Variants in OCRL observed in about 807,000 individuals in gnomAD.
OCRL encodes OCRL inositol polyphosphate-5-phosphatase.
In OCRL, 8 loss-of-function variants were observed where a neutral mutation model predicts 78.9. The observed-to-expected ratio is 0.10, with a 90% CI of 0.06 to 0.18. The LOEUF is 0.18. Among genes scored for constraint, OCRL ranks in the 10% least tolerant of loss-of-function variants. The pLI is 1.00. For missense variants in OCRL, 454 were observed against 696.7 expected, an observed-to-expected ratio of 0.65 and a Z score of 3.92; for synonymous variants, 240 against 235.4, an observed-to-expected ratio of 1.02 and a Z score of -0.18.
intron 6 of OCRL, 145 bp from the exon 7 acceptor site, chrX:129,558,488 C>A: frequency 1.5e-6 from 1 of 667,136 alleles, no homozygotes; most frequent in Non-Finnish European, 2.3e-6. Context: ...CTTCGAACTC[C>A]AATCCAAGTA....
At chrX:129,568,132 G>A (rs983859997) in intron 14 of OCRL, among the ~76,000 whole-genome samples, 2 of 109,205 alleles carry the variant, frequency 1.8e-5, no homozygotes, top group South Asian at 4.0e-4. Context: ...TAGCCAGGAT[G>A]GTCTCGATCT....
intron 16 of OCRL, 133 bp from the exon 17 acceptor site, chrX:129,575,764 A>G: frequency 1.4e-6 from 1 of 710,736 alleles, no homozygotes; most frequent in Admixed American, 2.3e-5. Context: ...AAGTTGGTTC[A>G]GTTGGTGAAT....
At chrX:129,574,434 C>T (rs769152475) in intron 15 of OCRL, among the ~76,000 whole-genome samples, 21 of 112,237 alleles carry the variant, frequency 1.9e-4, no homozygotes, top group Non-Finnish European at 3.2e-4. Flanking sequence ...TGTGTTTATA[C>T]GTTGTCATGG....
chrX:129,547,703 G>T (rs757791672), intron 3 of OCRL, among the ~76,000 whole-genome samples: 1 of 111,086 alleles, frequency 9.0e-6, no homozygotes, highest in Admixed American at 9.6e-5. Context: ...AAAGGAGTTA[G>T]TTCCTTGCCA....
intron 18 of OCRL, among the ~76,000 whole-genome samples, chrX:129,579,786 T>C (rs1351446470): frequency 8.9e-6 from 1 of 112,509 alleles, no homozygotes; most frequent in Non-Finnish European, 1.9e-5. Flanking sequence ...CAAAGTATTA[T>C]GGAGTTTATG....
chrX:129,559,083 C>A, intron 8 of OCRL, 82 bp downstream of exon 8: 1 of 894,230 alleles, frequency 1.1e-6, no homozygotes, highest in Non-Finnish European at 1.6e-6. Context: ...AGACATTAGC[C>A]TAATTAAGAA....
At chrX:129,560,728 A>C (rs969736908) in intron 9 of OCRL, 77 bp downstream of exon 9, 3 of 696,698 alleles carry the variant, frequency 4.3e-6, no homozygotes, top group Non-Finnish European at 6.8e-6. Flanking sequence ...TTTTTTAAAA[A>C]AGACTGTTGG....
At chrX:129,575,652 A>G in intron 16 of OCRL, 1 of 424,205 alleles carries the variant, frequency 2.4e-6, no homozygotes. Flanking sequence ...TTACCCTCTT[A>G]GGATCCTAGG....
At chrX:129,581,625 T>G (rs1602809326) in intron 18 of OCRL, among the ~76,000 whole-genome samples, 1 of 108,711 alleles carries the variant, frequency 9.2e-6, no homozygotes, top group African/African-American at 3.3e-5. Context: ...AATTTTCTCT[T>G]GTATTCATTC....
chrX:129,580,943 G>A (rs958095619), intron 18 of OCRL, among the ~76,000 whole-genome samples: 1 of 111,991 alleles, frequency 8.9e-6, no homozygotes, highest in African/African-American at 3.3e-5. Context: ...TTGGCTCACT[G>A]CAACCTCCAT....
intron 3 of OCRL, among the ~76,000 whole-genome samples, chrX:129,546,482 A>T (rs1030534480): frequency 8.9e-6 from 1 of 112,593 alleles, no homozygotes; most frequent in African/African-American, 3.2e-5. Context: ...AGTGGATATG[A>T]CTTTTTAAGA....
chrX:129,559,729 A>C (rs1471626330), intron 8 of OCRL, among the ~76,000 whole-genome samples: 4 of 111,546 alleles, frequency 3.6e-5, no homozygotes, highest in African/African-American at 1.3e-4. Context: ...TAAATAAAGA[A>C]AGTTTCACCC....
intron 2 of OCRL, among the ~76,000 whole-genome samples, chrX:129,541,748 A>G (rs1935804917): frequency 8.9e-6 from 1 of 112,242 alleles, no homozygotes; most frequent in Admixed American, 9.4e-5. Context: ...GCTTCTGCCT[A>G]AAACCAATTT....
Position 129,557,325 on chromosome X carries a change from G to A in OCRL, c.239G>A (p.Ser80Asn). ...ETLLIDIASN[S>N]GCKIRVQGDW... ...ATGTATGGATTTCAATTCTTTTTAG[G>A]TGGCTGCAAAATTCGGGTTCAGGGG... The change falls in exon 5 of 24, where the codon AGT (serine) becomes AAT (asparagine). Residue 80 changes from serine (S) to asparagine (N), a missense_variant and splice_region_variant. Transcript: ENST00000371113. The A allele has an allele frequency of 8.3e-7, 1 of 1,208,358 alleles. No individual in the cohort carries two copies. Among genetic ancestry groups the A allele is most frequent in the Non-Finnish European group, 1.1e-6 (1 of 892,647 alleles).
At chrX:129,574,287 G>A (rs893158175) in intron 15 of OCRL, among the ~76,000 whole-genome samples, 2 of 112,100 alleles carry the variant, frequency 1.8e-5, no homozygotes, top group South Asian at 3.7e-4. Flanking sequence ...AAAAGAAACC[G>A]ATATCTCAAG....
chrX:129,566,908 G>A (rs1466905039), intron 13 of OCRL, among the ~76,000 whole-genome samples: 1 of 112,439 alleles, frequency 8.9e-6, no homozygotes, highest in Non-Finnish European at 1.9e-5. Context: ...CAACATTTGT[G>A]TGCTTTTTCT....
In OCRL at chrX:129,562,513, G is replaced by A. The variant is rs2124405902; in HGVS notation, c.1056+13G>A. ...CATGGGGAAAATGGTGAGTTACTTT[G>A]GAAATGAGCTTGATTATTATTCATG... On this transcript the variant is annotated intron_variant, in intron 11 of 23. Transcript: ENST00000371113. 1 of 1,189,383 alleles carries A rather than the reference G, an allele frequency of 8.4e-7. No homozygotes were observed. Among genetic ancestry groups the A allele is most frequent in the Non-Finnish European group, 1.1e-6 (1 of 875,293 alleles).
At chrX:129,555,653 G>A (rs142825417) in intron 4 of OCRL, among the ~76,000 whole-genome samples, 1,797 of 111,718 alleles carry the variant, frequency 0.016, 40 homozygotes, top group African/African-American at 0.054. Context: ...GAGTCTTGAG[G>A]TAATTTGTTT....
chrX:129,552,711 C>T (rs1356431175), intron 4 of OCRL, among the ~76,000 whole-genome samples: 1 of 112,505 alleles, frequency 8.9e-6, no homozygotes, highest in African/African-American at 3.2e-5. Context: ...CAGGCATGAG[C>T]CACCTCACCC....
Sources: allele counts gnomAD v4.1 joint callset (sites outside exome capture counted in the v4.1 genomes callset), GRCh38; gene constraint gnomAD v4.1.1; transcripts MANE v1.5; gene names NCBI Gene and HGNC (gene_info 2026-07-23, HGNC 2026-07-21).